Variants in PPARGC1A observed in about 807,000 individuals in gnomAD.
PPARGC1A encodes the protein peroxisome proliferator-activated receptor gamma coactivator 1-alpha.
In PPARGC1A, 25 loss-of-function variants were observed where a neutral mutation model predicts 88.7. That is an observed-to-expected ratio of 0.28 (90% CI 0.21 to 0.39). The LOEUF (loss-of-function observed/expected upper bound fraction) is 0.39. PPARGC1A is among the 10% of genes least tolerant of loss of function. The pLI is 1.00. For synonymous variants in PPARGC1A, 363 were observed against 355.6 expected (o/e 1.02, Z -0.24); for missense variants, 880 against 968.7 (o/e 0.91, Z 1.22).
At chr4:23,880,491 C>T (rs1715705404) in intron 2 of PPARGC1A, among the ~76,000 whole-genome samples, 1 of 152,224 alleles carries the variant, frequency 6.6e-6, no homozygotes, top group South Asian at 2.1e-4. Flanking sequence ...AGATTCCCTA[C>T]TCCTCAAATG....
At chr4:23,860,521 G>T (rs772862059) in intron 2 of PPARGC1A, among the ~76,000 whole-genome samples, 1 of 151,970 alleles carries the variant, frequency 6.6e-6, no homozygotes, top group Non-Finnish European at 1.5e-5. Flanking sequence ...GCTTGGCTAC[G>T]GTAATCATCA....
the PPARGC1A span, among the ~76,000 whole-genome samples, chr4:24,259,927 A>G: frequency 1.7e-3 from 253 of 152,214 alleles, no homozygotes; most frequent in Non-Finnish European, 3.2e-3. Context: ...TGTTGTTATC[A>G]TTTTCTGTTA....
the PPARGC1A span, among the ~76,000 whole-genome samples, chr4:24,372,719 T>C: frequency 6.6e-6 from 1 of 152,234 alleles, no homozygotes; most frequent in African/African-American, 2.4e-5. Context: ...TCACTGTGTG[T>C]AGTCTTGAGC....
the PPARGC1A span, among the ~76,000 whole-genome samples, chr4:24,030,740 C>T: frequency 6.6e-6 from 1 of 152,182 alleles, no homozygotes; most frequent in African/African-American, 2.4e-5. Context: ...CTGCCTGCCT[C>T]ATCTCTCTCA....
chr4:24,258,446 C>A, the PPARGC1A span, among the ~76,000 whole-genome samples: 1 of 152,148 alleles, frequency 6.6e-6, no homozygotes, highest in East Asian at 1.9e-4. Context: ...CCCAAGGGGA[C>A]TGATATTTCC....
chr4:24,060,483 T>C, the PPARGC1A span, among the ~76,000 whole-genome samples: 1 of 152,218 alleles, frequency 6.6e-6, no homozygotes, highest in African/African-American at 2.4e-5. Flanking sequence ...AGATAAACAT[T>C]TGTCTAATAC....
the PPARGC1A span, among the ~76,000 whole-genome samples, chr4:24,338,666 A>T: frequency 6.6e-6 from 1 of 152,136 alleles, no homozygotes; most frequent in Non-Finnish European, 1.5e-5. Context: ...TGCATTCTCC[A>T]TTAAAAACGT....
chr4:23,904,180 T>A (rs978009102), upstream of PPARGC1A: 6 of 323,468 alleles, frequency 1.9e-5, no homozygotes, highest in Non-Finnish European at 2.7e-5. Context: ...AACTCCACAA[T>A]AGGGCACAAA....
At chr4:23,906,568 C>T (rs1220465195), upstream of PPARGC1A, among the ~76,000 whole-genome samples, 8 of 138,756 alleles carry the variant, frequency 5.8e-5, no homozygotes, top group Admixed American at 7.6e-5. Context: ...GACGGTGCTA[C>T]GCACTCCAGC....
At chr4:24,106,075 C>T in the PPARGC1A span, among the ~76,000 whole-genome samples, 1 of 152,168 alleles carries the variant, frequency 6.6e-6, no homozygotes, top group Non-Finnish European at 1.5e-5. Context: ...CTTCCAATAT[C>T]CCAGATCAGC....
At chr4:23,952,478 C>T in the PPARGC1A span, among the ~76,000 whole-genome samples, 2 of 152,072 alleles carry the variant, frequency 1.3e-5, no homozygotes, top group African/African-American at 4.8e-5. Flanking sequence ...CTAGAGGCAT[C>T]TCTGTTGTTC....
chr4:24,146,684 C>T, the PPARGC1A span, among the ~76,000 whole-genome samples: 1 of 152,152 alleles, frequency 6.6e-6, no homozygotes, highest in African/African-American at 2.4e-5. Context: ...AATATGATGG[C>T]CAACACCAGA....
At chr4:24,472,489 G>GA in the PPARGC1A span, among the ~76,000 whole-genome samples, 3 of 149,892 alleles carry the variant, frequency 2.0e-5, no homozygotes, top group East Asian at 1.9e-4. This position sits in a 1 kb window ranked among gnomAD's most constrained non-coding sequence, Gnocchi z 4.5. Flanking sequence ...AATGAGGAAA[G>GA]AAAAAAAAAG....
the PPARGC1A span, among the ~76,000 whole-genome samples, chr4:23,910,515 A>C: frequency 6.9e-6 from 1 of 144,176 alleles, no homozygotes; most frequent in Admixed American, 7.5e-5. Flanking sequence ...ATCTCGGTTC[A>C]CTGCCACCTC....
the PPARGC1A span, among the ~76,000 whole-genome samples, chr4:24,373,130 T>C: frequency 6.6e-6 from 1 of 151,978 alleles, no homozygotes; most frequent in Non-Finnish European, 1.5e-5. Context: ...CTGCAGGCCA[T>C]GAGATAAGTA....
At chr4:23,851,799 C>G (rs1729344409) in intron 2 of PPARGC1A, among the ~76,000 whole-genome samples, 1 of 152,200 alleles carries the variant, frequency 6.6e-6, no homozygotes, top group African/African-American at 2.4e-5. Flanking sequence ...GCTCTCTCTT[C>G]AAACTTTTGC....
At chr4:24,018,902 C>CA in the PPARGC1A span, among the ~76,000 whole-genome samples, 1 of 151,862 alleles carries the variant, frequency 6.6e-6, no homozygotes, top group Non-Finnish European at 1.5e-5. Context: ...AGTAGATAAG[C>CA]AAAAAAAGTA....
chr4:24,060,222 C>G, the PPARGC1A span, among the ~76,000 whole-genome samples: 1 of 152,132 alleles, frequency 6.6e-6, no homozygotes, highest in African/African-American at 2.4e-5. Flanking sequence ...TAAACAAACA[C>G]AGAAGTTGAA....
chr4:24,403,496 T>C, the PPARGC1A span, among the ~76,000 whole-genome samples: 3 of 152,334 alleles, frequency 2.0e-5, no homozygotes, highest in African/African-American at 7.2e-5. Context: ...TGCAGAATTA[T>C]GCAAAGGCCA....
Sources: gnomAD v4.1 joint callset for allele counts (sites outside exome capture counted in the v4.1 genomes callset) on GRCh38, gnomAD v4.1.1 for gene constraint, Gnocchi (gnomAD v3.1) non-coding constraint, MANE v1.5 for transcripts, NCBI Gene and HGNC (gene_info 2026-07-23, HGNC 2026-07-21) for gene names.